SETD3: variants seen among roughly 807,000 people sequenced by gnomAD.
SETD3 encodes the protein SET domain containing 3, actin N3(tau)-histidine methyltransferase.
SETD3 carries 19 observed loss-of-function variants against 63.0 expected under a neutral mutation model. The observed-to-expected ratio is 0.30, with a 90% CI of 0.21 to 0.44. SETD3 has a LOEUF of 0.44. SETD3 is among the 20% of genes least tolerant of loss of function. The pLI is 1.00. For synonymous variants in SETD3, 286 were observed against 264.1 expected (o/e 1.08, Z -0.80); for missense variants, 587 against 728.5 (o/e 0.81, Z 2.24).
chr14:99,409,951 G>A (rs767026746), intron 8 of SETD3: 46 of 387,786 alleles, frequency 1.2e-4, no homozygotes, highest in East Asian at 3.3e-4. Context: ...ATCACCCTGC[G>A]TTCATGGATC....
At position 99,415,214 on chromosome 14, in the gene SETD3, G is replaced by A. The variant is rs150400584; in HGVS notation, c.676-1280C>T. On this transcript the variant is annotated intron_variant, in intron 6 of 12. Transcript: ENST00000331768. ...TTCATACTCTAGGAAGTGGGAAAGTGTTGTTTTTGTTATTTTTACGTATTT... is the reference window on the plus strand; with the variant it reads ...TTCATACTCTAGGAAGTGGGAAAGTATTGTTTTTGTTATTTTTACGTATTT... Among the ~76,000 whole-genome samples, 882 of 152,274 alleles carry A rather than the reference G, an allele frequency of 5.8e-3. 9 individuals carry two copies. Among genetic ancestry groups the A allele is most frequent in the African/African-American group, 0.02 (846 of 41,556 alleles).
chr14:99,460,795 A>G (rs1295754879), intron 4 of SETD3, among the ~76,000 whole-genome samples: 1 of 152,108 alleles, frequency 6.6e-6, no homozygotes, highest in Non-Finnish European at 1.5e-5. Context: ...CTTCAGCCTC[A>G]TAGTCATCCA....
intron 6 of SETD3, among the ~76,000 whole-genome samples, chr14:99,433,125 G>C (rs972718467): frequency 2.0e-5 from 3 of 152,154 alleles, no homozygotes; most frequent in African/African-American, 7.2e-5. Context: ...GCAGGGAGGG[G>C]AGATGGGGAG....
intron 2 of SETD3, among the ~76,000 whole-genome samples, chr14:99,464,221 TGAAAGA>T (rs1405651968): frequency 2.6e-5 from 4 of 152,244 alleles, no homozygotes; most frequent in Non-Finnish European, 5.9e-5. Flanking sequence ...GGTGTGAGTT[TGAAAGA>T]CTGCACACTG....
chr14:99,399,746 T>A (rs944525038), intron 12 of SETD3, among the ~76,000 whole-genome samples: 2,767 of 133,218 alleles, frequency 0.021, 297 homozygotes, highest in South Asian at 0.046. Flanking sequence ...ATTAAATTTT[T>A]TTTTTTTTTT....
At chr14:99,437,170 G>A (rs1042826831) in intron 6 of SETD3, among the ~76,000 whole-genome samples, 4 of 152,174 alleles carry the variant, frequency 2.6e-5, no homozygotes, top group African/African-American at 2.4e-5. Context: ...GCAGGCACGC[G>A]GAGGATTCAG....
At chr14:99,404,125 G>A (rs1891549082) in intron 11 of SETD3, 100 bp downstream of exon 11, 3 of 888,788 alleles carry the variant, frequency 3.4e-6, no homozygotes, top group East Asian at 2.7e-5. Context: ...AAGTACTGTA[G>A]TTTTAATCCA....
At chr14:99,476,536 T>C (rs1001504663) in intron 1 of SETD3, among the ~76,000 whole-genome samples, 1 of 152,192 alleles carries the variant, frequency 6.6e-6, no homozygotes, top group South Asian at 2.1e-4. Context: ...CGCAGAACCA[T>C]GAGGTGACCA....
rs752763323 is a variant in SETD3 at position 99,406,624 on chromosome 14, G to A, written c.850-34C>T. 3.8e-6 allele frequency: 6 copies of A among 1,585,844 alleles called. No homozygotes were observed. In the South Asian group the frequency reaches 5.5e-5, roughly 15 times the overall value. ...GGGAGGAGGAAGGAAATGATGGTGA[G>A]GCAAACACACGCACATCTCACTTAA... On this transcript the variant is annotated intron_variant, in intron 8 of 12. Coordinates refer to ENST00000331768, the MANE Select transcript of SETD3 (RefSeq NM_032233.3).
intron 11 of SETD3, among the ~76,000 whole-genome samples, chr14:99,403,025 C>T (rs1891467008): frequency 6.6e-6 from 1 of 152,164 alleles, no homozygotes; most frequent in South Asian, 2.1e-4. Context: ...TGAACCATTA[C>T]CCAAGTACAA....
At chr14:99,467,702 G>A (rs542796956) in intron 1 of SETD3, among the ~76,000 whole-genome samples, 1 of 152,334 alleles carries the variant, frequency 6.6e-6, no homozygotes, top group Admixed American at 6.5e-5. Context: ...GTGGGAGCCT[G>A]TAAACGAGGC....
intron 6 of SETD3, among the ~76,000 whole-genome samples, chr14:99,438,164 T>C (rs779674753): frequency 2.6e-5 from 4 of 152,228 alleles, no homozygotes; most frequent in Admixed American, 2.0e-4. Context: ...AAATCACTGA[T>C]ATATTTAAAT....
intron 6 of SETD3, among the ~76,000 whole-genome samples, chr14:99,438,197 C>G (rs991043138): frequency 6.6e-6 from 1 of 152,230 alleles, no homozygotes; most frequent in Non-Finnish European, 1.5e-5. Context: ...TTTCTGACAG[C>G]TTTTCGTTCA....
At chr14:99,442,452 T>C (rs1014748416) in intron 6 of SETD3, among the ~76,000 whole-genome samples, 2 of 152,208 alleles carry the variant, frequency 1.3e-5, no homozygotes, top group Non-Finnish European at 2.9e-5. Context: ...AGGTGACTCT[T>C]GAACCACACG....
intron 6 of SETD3, among the ~76,000 whole-genome samples, chr14:99,439,089 C>G (rs1348683635): frequency 6.6e-6 from 1 of 152,240 alleles, no homozygotes; most frequent in Non-Finnish European, 1.5e-5. Flanking sequence ...ACTGCTAAAG[C>G]AGCAGCCACT....
chr14:99,464,187 C>A (rs1895236797), intron 2 of SETD3, among the ~76,000 whole-genome samples: 1 of 152,184 alleles, frequency 6.6e-6, no homozygotes, highest in Non-Finnish European at 1.5e-5. Context: ...GGGCCAGAAC[C>A]AAAAGACCAA....
At chr14:99,408,743 G>A (rs574844460) in intron 8 of SETD3, among the ~76,000 whole-genome samples, 32 of 152,316 alleles carry the variant, frequency 2.1e-4, no homozygotes, top group Non-Finnish European at 3.1e-4. Context: ...AGAATGTTTG[G>A]AGGCTGAGTG....
Position 99,458,489 on chromosome 14 carries a change from G to A in SETD3, c.465C>T (p.Ile155=), listed in dbSNP as rs202192314. 39 of 1,614,176 alleles carry A rather than the reference G, an allele frequency of 2.4e-5. No individual in the cohort carries two copies. The East Asian group carries it at 4.9e-4, about 20-fold the overall frequency. ...QDRILQAMGN[I]ALAFHLLCER... is the part of the protein sequence containing the mutation. ...CACACAGCAAATGAAAGGCCAGTGC[G>A]ATGTTTCCCATGGCTTGAAGGATTC... Residue 155 remains isoleucine, a synonymous_variant, in exon 6 of 13, where the codon ATC becomes ATT. Transcript: ENST00000331768.
rs150879887 is a variant in SETD3, at chr14:99,471,872, C to T, written c.-8-6059G>A. Among the ~76,000 whole-genome samples, 148 of 152,270 alleles carry T rather than the reference C, an allele frequency of 9.7e-4. 1 individual carries two copies. The highest frequency in any genetic ancestry group is 3.4e-3 in the African/African-American group (142 of 41,556). On this transcript the variant is annotated intron_variant, in intron 1 of 12. Coordinates refer to ENST00000331768, the MANE Select transcript of SETD3 (RefSeq NM_032233.3). ...CTCCATGGGCACTTGTGACCAAGGA[C>T]ACGAGCATCCGCCCATGACCTCCCT...
Sources: gnomAD v4.1 joint callset for allele counts (sites outside exome capture counted in the v4.1 genomes callset) on GRCh38, gnomAD v4.1.1 for gene constraint, MANE v1.5 for transcripts, NCBI Gene and HGNC (gene_info 2026-07-23, HGNC 2026-07-21) for gene names.